Variants in ZCCHC8 observed in about 807,000 individuals in gnomAD.
ZCCHC8 encodes the protein zinc finger CCHC-type containing 8, also known as zinc finger CCHC domain-containing protein 8.
Under a neutral mutation model 70.6 loss-of-function variants are expected in ZCCHC8, and 27 were observed. The ratio of observed to expected loss-of-function variants is 0.38; its 90% CI spans 0.28 to 0.53. The LOEUF is 0.53. Ranked by LOEUF, ZCCHC8 falls within the 20% of genes least tolerant of loss-of-function variation. The pLI, the probability that ZCCHC8 is intolerant of heterozygous loss-of-function variation, is 0.81. For synonymous variants in ZCCHC8, 293 were observed against 317.4 expected (o/e 0.92, Z 0.82); for missense variants, 737 against 876.9 (o/e 0.84, Z 2.01).
chr12:122,481,352 T>G, intron 10 of ZCCHC8, 170 bp downstream of exon 10: 1 of 884,148 alleles, frequency 1.1e-6, no homozygotes, highest in Non-Finnish European at 1.6e-6. Context: ...ACAAACTCAC[T>G]GAAATTTTAT....
At chr12:122,487,178 C>T (rs1206793894) in intron 5 of ZCCHC8, among the ~76,000 whole-genome samples, 1 of 152,178 alleles carries the variant, frequency 6.6e-6, no homozygotes, top group Non-Finnish European at 1.5e-5. Context: ...AGCTACTCTG[C>T]TTTCTCTGCT....
intron 11 of ZCCHC8, 151 bp from the exon 12 acceptor site, chr12:122,478,443 T>A (rs199938693): frequency 4.8e-6 from 3 of 623,206 alleles, no homozygotes; most frequent in Non-Finnish European, 8.4e-6. Flanking sequence ...AGGAAAATAA[T>A]GTGTTGAAGG....
Position 122,474,120 on chromosome 12 carries a change from G to A in ZCCHC8, c.1501C>T (p.Pro501Ser). 1.3e-6 allele frequency: 2 copies of A among 1,512,730 alleles called. No homozygotes were observed. The highest frequency in any genetic ancestry group is 1.8e-6 in the Non-Finnish European group (2 of 1,134,882). The allele number at this position is 1,512,730 out of a possible 1,614,324, so 93.7% of individuals were successfully genotyped here. The stretch of plus-strand genomic sequence containing the variant: ...GCTCCAGATGCTGTTCTGGTCTGGG[G>A]TGAGTCACTGGGAGTCAGCGGCGGG... ...GTPPLTPSDS[P>S]QTRTASGAVD... The change falls in exon 14 of 14, where the codon CCC becomes TCC. Residue 501 changes from proline to serine, a missense_variant. Coordinates refer to ENST00000633063, the MANE Select transcript of ZCCHC8 (RefSeq NM_017612.5).
chr12:122,471,650 A>G lies in ZCCHC8; in HGVS notation c.*1847T>C, dbSNP rs568133437. On this transcript the variant is annotated 3_prime_UTR_variant, in exon 14 of 14. Transcript: ENST00000633063. ...GAACTTAAGCTGAGGAAAAGAAGCC[A>G]AAAGTATTTTAAATTTTATTCTATT... The G allele has an allele frequency of 1.3e-5, 2 of 152,236 alleles. No homozygotes were observed. Among genetic ancestry groups the G allele is most frequent in the Non-Finnish European group, 2.9e-5 (2 of 68,046 alleles). 9.4% of individuals were successfully genotyped at this position (152,236 alleles called of 1,614,324 possible).
At chr12:122,494,182 C>T (rs1479704685) in intron 2 of ZCCHC8, among the ~76,000 whole-genome samples, 4 of 152,194 alleles carry the variant, frequency 2.6e-5, no homozygotes, top group African/African-American at 9.7e-5. Context: ...TTCCTCTTCT[C>T]ACCTGCCTCA....
In ZCCHC8 at chr12:122,483,251, G is replaced by C. The variant is rs1466628046; in HGVS notation, c.671+28C>G. On this transcript the variant is annotated intron_variant, in intron 7 of 13. Transcript: ENST00000633063. The surrounding 1 kb of genome is among the most constrained non-coding windows in gnomAD (Gnocchi z 4.4). ...TGATTTTGGTTAAAAAAGTAAATAA[G>C]TAAAACAAAACAACTCCCCACACAA... 1 of 1,562,396 alleles carries C rather than the reference G, an allele frequency of 6.4e-7. No homozygotes were observed. Among genetic ancestry groups the C allele is most frequent in the East Asian group, 2.3e-5 (1 of 42,806 alleles).
chr12:122,479,006 T>C (rs1957477905), intron 11 of ZCCHC8, among the ~76,000 whole-genome samples: 1 of 152,244 alleles, frequency 6.6e-6, no homozygotes, highest in South Asian at 2.1e-4. Flanking sequence ...ATCTGCTCAC[T>C]AGACTCTAAC....
intron 2 of ZCCHC8, 88 bp downstream of exon 2, chr12:122,498,735 CCATA>C: frequency 2.5e-6 from 3 of 1,202,356 alleles, no homozygotes; most frequent in South Asian, 1.3e-5. Context: ...TACAAAAATC[CCATA>C]CACTTTTTAC....
chr12:122,489,513 G>C (rs1338675960), intron 4 of ZCCHC8, 50 bp from the exon 5 acceptor site: 10 of 1,507,462 alleles, frequency 6.6e-6, no homozygotes, highest in Non-Finnish European at 8.3e-6. Context: ...TTTTTAACCA[G>C]TTTAAATGGA....
chr12:122,493,799 G>T (rs760758472), intron 2 of ZCCHC8, among the ~76,000 whole-genome samples: 1 of 152,054 alleles, frequency 6.6e-6, no homozygotes, highest in Non-Finnish European at 1.5e-5. Context: ...ATTTTTAATA[G>T]GGACGGGGTT....
At chr12:122,481,257 A>G (rs539815963) in intron 10 of ZCCHC8, 18 of 257,598 alleles carry the variant, frequency 7.0e-5, no homozygotes, top group African/African-American at 3.1e-4. Context: ...ACTGACAAAG[A>G]TAAGAGCTTA....
chr12:122,487,474 T>A (rs1175567393), intron 5 of ZCCHC8, among the ~76,000 whole-genome samples: 4 of 152,260 alleles, frequency 2.6e-5, no homozygotes, highest in African/African-American at 9.6e-5. Flanking sequence ...CCGGATAACA[T>A]CTCAGTCCCT....
At chr12:122,490,821 C>T in intron 3 of ZCCHC8, 1 of 273,276 alleles carries the variant, frequency 3.7e-6, no homozygotes, top group African/African-American at 2.2e-5. Context: ...GCAAAGAATA[C>T]ACGGATTTTA....
At chr12:122,497,781 GA>G (rs1483146379) in intron 2 of ZCCHC8, among the ~76,000 whole-genome samples, 2 of 152,028 alleles carry the variant, frequency 1.3e-5, no homozygotes, top group Non-Finnish European at 2.9e-5. Flanking sequence ...GGCCTAGGCA[GA>G]AGGATCACTT....
intron 2 of ZCCHC8, among the ~76,000 whole-genome samples, chr12:122,493,119 C>A (rs567922753): frequency 6.6e-6 from 1 of 152,268 alleles, no homozygotes; most frequent in South Asian, 2.1e-4. Context: ...CCACCTGCCT[C>A]AGCCTCCCCA....
intron 11 of ZCCHC8, chr12:122,478,653 A>C: frequency 5.3e-6 from 1 of 187,158 alleles, no homozygotes; most frequent in Non-Finnish European, 1.1e-5. Flanking sequence ...CAATTCTCCT[A>C]ACACACTTAC....
intron 1 of ZCCHC8, 104 bp from the exon 2 acceptor site, chr12:122,498,973 A>T: frequency 9.3e-7 from 1 of 1,072,688 alleles, no homozygotes; most frequent in Non-Finnish European, 1.4e-6. Flanking sequence ...TAAAGACAAA[A>T]GACCCACGGA....
chr12:122,476,736 C>A (rs1359839019), intron 13 of ZCCHC8, among the ~76,000 whole-genome samples: 4 of 152,044 alleles, frequency 2.6e-5, no homozygotes, highest in Non-Finnish European at 4.4e-5. Flanking sequence ...AAAATGACAA[C>A]CATGGGCCAG....
At chr12:122,482,563 A>C (rs1957556970) in intron 8 of ZCCHC8, 72 bp downstream of exon 8, 7 of 1,186,286 alleles carry the variant, frequency 5.9e-6, no homozygotes, top group South Asian at 1.6e-5. Flanking sequence ...CATGTCATAC[A>C]ATAACATAAA....
Sources: gnomAD v4.1 joint callset for allele counts (sites outside exome capture counted in the v4.1 genomes callset) on GRCh38, gnomAD v4.1.1 for gene constraint, Gnocchi (gnomAD v3.1) non-coding constraint, MANE v1.5 for transcripts, NCBI Gene and HGNC (gene_info 2026-07-23, HGNC 2026-07-21) for gene names.